Variants in CHRM3 observed in about 807,000 individuals in gnomAD.
CHRM3 encodes cholinergic receptor muscarinic 3, also known as muscarinic acetylcholine receptor M3.
In CHRM3, 11 loss-of-function variants were observed where a neutral mutation model predicts 41.8. That is an observed-to-expected ratio of 0.26 (90% CI 0.17 to 0.44). The LOEUF (loss-of-function observed/expected upper bound fraction) is 0.44. CHRM3 is among the 20% of genes least tolerant of loss of function. The pLI is 1.00. For missense variants in CHRM3, 571 were observed against 745.4 expected, an observed-to-expected ratio of 0.77 and a Z score of 2.72; for synonymous variants, 297 against 301.4, an observed-to-expected ratio of 0.99 and a Z score of 0.15.
intron 3 of CHRM3, among the ~76,000 whole-genome samples, chr1:239,611,578 G>C (rs1039932385): frequency 6.6e-6 from 1 of 151,882 alleles, no homozygotes; most frequent in Admixed American, 6.6e-5. Context: ...GCGTCACCAT[G>C]CCCGGCTAAC....
chr1:239,480,032 G>A (rs1666729245), intron 1 of CHRM3, among the ~76,000 whole-genome samples: 1 of 152,096 alleles, frequency 6.6e-6, no homozygotes, highest in Non-Finnish European at 1.5e-5. Flanking sequence ...TAATCTTATG[G>A]GACCATCATC....
At chr1:239,832,148 C>T (rs1286405337) in intron 6 of CHRM3, among the ~76,000 whole-genome samples, 1 of 152,174 alleles carries the variant, frequency 6.6e-6, no homozygotes, top group East Asian at 1.9e-4. Flanking sequence ...TGTGAGCCTG[C>T]ACTGTCCCTC....
chr1:239,465,940 A>G (rs2147908409), intron 1 of CHRM3, among the ~76,000 whole-genome samples: 1 of 152,182 alleles, frequency 6.6e-6, no homozygotes, highest in Non-Finnish European at 1.5e-5. Flanking sequence ...GGCCTACTCA[A>G]CAGGAATACT....
chr1:239,440,031 C>T (rs1327242685), intron 1 of CHRM3, among the ~76,000 whole-genome samples: 2 of 151,700 alleles, frequency 1.3e-5, no homozygotes, highest in Admixed American at 6.6e-5. Flanking sequence ...AACCCTGTCT[C>T]TACTAAAAAT....
chr1:239,907,625 C>A lies in CHRM3; in HGVS notation c.174C>A (p.Asp58Glu). ...NFSSPDGTTD[D>E]PLGGHTVWQV... The stretch of plus-strand genomic sequence containing the variant: ...CCTCTCCAGACGGTACCACCGATGA[C>A]CCTCTGGGAGGTCATACCGTCTGGC... Residue 58 changes from aspartate (D) to glutamate (E), a missense_variant, in exon 7 of 7, where the codon GAC (aspartate) becomes GAA (glutamate). Coordinates refer to ENST00000676153, the MANE Select transcript of CHRM3 (RefSeq NM_001375978.1). The surrounding 1 kb of genome is among the most constrained non-coding windows in gnomAD (Gnocchi z 5.4). 2 of 1,614,212 alleles carry A rather than the reference C, an allele frequency of 1.2e-6. No individual in the cohort carries two copies. Among genetic ancestry groups the A allele is most frequent in the Non-Finnish European group, 1.7e-6 (2 of 1,180,038 alleles).
chr1:239,664,315 A>G (rs767351514), intron 4 of CHRM3, among the ~76,000 whole-genome samples: 9 of 152,198 alleles, frequency 5.9e-5, no homozygotes, highest in Non-Finnish European at 1.3e-4. Context: ...TTTATCACCA[A>G]TTCAATGATC....
intron 2 of CHRM3, among the ~76,000 whole-genome samples, chr1:239,528,264 C>T (rs1428130110): frequency 6.6e-6 from 1 of 152,142 alleles, no homozygotes; most frequent in Non-Finnish European, 1.5e-5. Flanking sequence ...TATTAGTACC[C>T]TGCAGCACCA....
At chr1:239,430,280 T>G (rs1662728871) in intron 1 of CHRM3, among the ~76,000 whole-genome samples, 1 of 152,126 alleles carries the variant, frequency 6.6e-6, no homozygotes, top group African/African-American at 2.4e-5. Flanking sequence ...GACAATCTTT[T>G]AAATATTTTT....
intron 5 of CHRM3, chr1:239,707,646 A>T (rs1294737771): frequency 6.6e-6 from 1 of 152,178 alleles, no homozygotes; most frequent in Non-Finnish European, 1.5e-5. Flanking sequence ...TTGAAATAGG[A>T]TGTAAATAAA....
At chr1:239,572,825 C>A (rs573044506) in intron 3 of CHRM3, among the ~76,000 whole-genome samples, 5 of 152,262 alleles carry the variant, frequency 3.3e-5, no homozygotes, top group African/African-American at 1.2e-4. Context: ...AAAATGCAAT[C>A]ATGTTATTAA....
intron 1 of CHRM3, among the ~76,000 whole-genome samples, chr1:239,481,434 A>G (rs568199926): frequency 2.6e-5 from 4 of 152,204 alleles, no homozygotes; most frequent in Non-Finnish European, 5.9e-5. Context: ...CAATGTAAAA[A>G]TATCCAAGTT....
intron 1 of CHRM3, among the ~76,000 whole-genome samples, chr1:239,476,087 T>C (rs1315840740): frequency 6.7e-6 from 1 of 150,028 alleles, no homozygotes; most frequent in African/African-American, 2.5e-5. Flanking sequence ...GTTTTTTTTT[T>C]GTATCCTAAT....
At chr1:239,449,458 ATTGTATGAGC>A (rs943735186) in intron 1 of CHRM3, among the ~76,000 whole-genome samples, 3 of 152,134 alleles carry the variant, frequency 2.0e-5, no homozygotes, top group Non-Finnish European at 2.9e-5. Flanking sequence ...TATGAAGGTC[ATTGTATGAGC>A]TTGTAGGAGA....
chr1:239,793,183 A>T (rs1158987156), intron 5 of CHRM3, among the ~76,000 whole-genome samples: 2 of 152,252 alleles, frequency 1.3e-5, no homozygotes, highest in Non-Finnish European at 1.5e-5. Flanking sequence ...CCATTCTAAA[A>T]GGTGTTGTAT....
intron 1 of CHRM3, among the ~76,000 whole-genome samples, chr1:239,421,736 G>A (rs915204770): frequency 3.9e-5 from 6 of 152,078 alleles, no homozygotes; most frequent in Middle Eastern, 3.2e-3. Context: ...TGAAGCTTAC[G>A]CTGTGGAATG....
intron 1 of CHRM3, among the ~76,000 whole-genome samples, chr1:239,403,435 T>C (rs1346785537): frequency 6.6e-6 from 1 of 152,202 alleles, no homozygotes; most frequent in Non-Finnish European, 1.5e-5. Flanking sequence ...AAATAGTTTA[T>C]CCATTAGTGA....
intron 3 of CHRM3, among the ~76,000 whole-genome samples, chr1:239,562,577 G>T (rs12080179): frequency 0.14 from 21,364 of 151,618 alleles, 1,611 homozygotes; most frequent in African/African-American, 0.2. Flanking sequence ...TGATGATGAT[G>T]ATTATTATTA....
intron 5 of CHRM3, among the ~76,000 whole-genome samples, chr1:239,773,310 A>G (rs912025990): frequency 6.6e-6 from 1 of 152,170 alleles, no homozygotes; most frequent in Non-Finnish European, 1.5e-5. Context: ...GTCTAAGTTG[A>G]CTTTATAGCT....
At chr1:239,456,246 G>A (rs1664924296) in intron 1 of CHRM3, among the ~76,000 whole-genome samples, 1 of 152,174 alleles carries the variant, frequency 6.6e-6, no homozygotes, top group African/African-American at 2.4e-5. Flanking sequence ...AGTCGGGCTG[G>A]TTTCATGACT....
Sources: gnomAD v4.1 joint callset for allele counts (sites outside exome capture counted in the v4.1 genomes callset) on GRCh38, gnomAD v4.1.1 for gene constraint, Gnocchi (gnomAD v3.1) non-coding constraint, MANE v1.5 for transcripts, NCBI Gene and HGNC (gene_info 2026-07-23, HGNC 2026-07-21) for gene names.